Variants in PAM16 observed in about 807,000 individuals in gnomAD.
PAM16 encodes mitochondrial import inner membrane translocase subunit TIM16.
PAM16 carries 11 observed loss-of-function variants against 17.9 expected under a neutral mutation model. The ratio of observed to expected loss-of-function variants is 0.62; its 90% CI spans 0.39 to 1.02. PAM16 has a LOEUF of 1.02. PAM16 is among the 50% of genes least tolerant of loss of function. The pLI is 0.01. For missense variants in PAM16, 199 were observed against 165.4 expected (o/e 1.20, Z -1.11); for synonymous variants, 72 against 67.4 (o/e 1.07, Z -0.34).
intron 3 of PAM16, 105 bp downstream of exon 3, chr16:4,341,263 G>A: frequency 6.8e-7 from 1 of 1,474,734 alleles, no homozygotes; most frequent in Non-Finnish European, 9.1e-7. Context: ...CGAGCTGGGT[G>A]CAGCTGCAGC....
At position 4,350,850 on chromosome 16, in the gene PAM16, G is replaced by A. The variant is rs939964621; in HGVS notation, c.3+382C>T. 4.7e-5 allele frequency: 9 copies of A among 190,238 alleles called. No homozygotes were observed. The East Asian group carries it at 1.0e-3, about 22-fold the overall frequency. 11.8% of individuals were successfully genotyped at this position (190,238 alleles called of 1,614,324 possible). A position where few individuals can be genotyped will look rare whatever the true frequency, so the allele number is the denominator to read the frequency against. On this transcript the variant is annotated intron_variant, in intron 1 of 4. Coordinates refer to ENST00000318059, the MANE Select transcript of PAM16 (RefSeq NM_016069.11). ...CCCAGGTCAGCCACTTCCCTGGAAA[G>A]GCCAGCTTTCCACTGGGGATAACAA...
intron 1 of PAM16, chr16:4,346,615 T>G (rs568129253): frequency 2.0e-5 from 3 of 152,252 alleles, no homozygotes; most frequent in African/African-American, 7.2e-5. Flanking sequence ...GAGAACCACG[T>G]TGACCTGGGA....
At position 4,343,196 on chromosome 16, in the gene PAM16, C is replaced by T. The variant is rs772564282; in HGVS notation, c.88+11G>A. The T allele has an allele frequency of 1.1e-5, 17 of 1,612,232 alleles. No individual in the cohort carries two copies. The highest frequency in any genetic ancestry group is 1.4e-5 in the Non-Finnish European group (17 of 1,179,678). ...ACTCCCAGCCCACAGGGGAGACGGA[C>T]CCATGCTTACCTGCAAACTCCTGCC... On this transcript the variant is annotated intron_variant, in intron 2 of 4. Transcript: ENST00000318059.
chr16:4,345,886 C>G lies in PAM16; in HGVS notation c.4-2595G>C, dbSNP rs936393794. ...AGGACAGAGGTGAAAGTCAGAGGGT[C>G]CCCTCGGCTTGAAACACGGCTCAGG... On this transcript the variant is annotated intron_variant, in intron 1 of 4. Transcript: ENST00000318059. 11 of 985,106 alleles carry G rather than the reference C, an allele frequency of 1.1e-5. No individual in the cohort carries two copies. In the African/African-American group the frequency reaches 1.7e-4, roughly 16 times the overall value. The allele number at this position is 985,106 out of a possible 1,614,324, so 61.0% of individuals were successfully genotyped here. A position where few individuals can be genotyped will look rare whatever the true frequency, so the allele number is the denominator to read the frequency against.
intron 1 of PAM16, among the ~76,000 whole-genome samples, chr16:4,350,605 G>A (rs2141158116): frequency 6.6e-6 from 1 of 152,150 alleles, no homozygotes; most frequent in East Asian, 1.9e-4. Context: ...GTTTCATCAT[G>A]TTGGCCAGGC....
At chr16:4,349,745 C>G (rs1396079143) in intron 1 of PAM16, among the ~76,000 whole-genome samples, 1 of 152,018 alleles carries the variant, frequency 6.6e-6, no homozygotes, top group Non-Finnish European at 1.5e-5. Flanking sequence ...CTAGCCGGGG[C>G]GACAGACAGA....
chr16:4,345,837 G>A, intron 1 of PAM16: 1 of 985,314 alleles, frequency 1.0e-6, no homozygotes, highest in Non-Finnish European at 1.2e-6. Flanking sequence ...GGAGGCTCAG[G>A]GATGGGATGC....
At chr16:4,351,185 G>GCCCGACTCGGCTTCCCCTC in intron 1 of PAM16, 47 bp downstream of exon 1, 1 of 1,228,472 alleles carries the variant, frequency 8.1e-7, no homozygotes, top group East Asian at 3.1e-5. Context: ...CCGGCCCCCG[G>GCCCGACTCGGCTTCCCCTC]CCCGACTCGG....
intron 1 of PAM16, chr16:4,344,061 G>A: frequency 2.5e-6 from 1 of 397,946 alleles, no homozygotes. Context: ...TCACACACCA[G>A]GCTGAACATG....
chr16:4,343,729 T>C, intron 1 of PAM16: 1 of 437,388 alleles, frequency 2.3e-6, no homozygotes. Flanking sequence ...AACCTTTACT[T>C]TACCAACGGG....
intron 1 of PAM16, among the ~76,000 whole-genome samples, chr16:4,348,953 C>CTT (rs1219395068): frequency 4.0e-4 from 46 of 114,238 alleles, no homozygotes; most frequent in Non-Finnish European, 4.7e-4. Context: ...CTAGCACTTT[C>CTT]TTTTTTTTTT....
Position 4,340,328 on chromosome 16 carries a change from G to A in PAM16, c.369C>T (p.Pro123=). The A allele has an allele frequency of 6.2e-7, 1 of 1,612,722 alleles. No homozygotes were observed. The highest frequency in any genetic ancestry group is 1.1e-5 in the South Asian group (1 of 91,090). ...AQEDREKGQM[P]HT ...GGGGGGAGCCGAGCAGTCACGTATGGGGCATCTGCCCTTTTTCTCTGTCCT... is the reference window on the plus strand; with the variant it reads ...GGGGGGAGCCGAGCAGTCACGTATGAGGCATCTGCCCTTTTTCTCTGTCCT... The change falls in exon 5 of 5, where the codon CCC becomes CCT. Residue 123 remains proline (P), a synonymous_variant. Transcript: ENST00000318059.
At chr16:4,348,289 AG>A (rs2053789117) in intron 1 of PAM16, 1 of 152,178 alleles carries the variant, frequency 6.6e-6, no homozygotes, top group African/African-American at 2.4e-5. Flanking sequence ...CCATGTCCCC[AG>A]GCAGGGTTTC....
rs1391827301 is a variant in PAM16, at chr16:4,350,620, C to A, written c.3+612G>T. ...GTTTCATCATGTTGGCCAGGCTGGT[C>A]TCGAACTCCTGACCTCGTGATCCGC... On this transcript the variant is annotated intron_variant, in intron 1 of 4. Transcript: ENST00000318059. 2.6e-5 allele frequency among the ~76,000 whole-genome samples: 4 copies of A among 152,086 alleles called. 1 individual carries two copies. In the South Asian group the frequency reaches 6.2e-4, roughly 24 times the overall value.
intron 1 of PAM16, chr16:4,350,962 C>G (rs2053846307): frequency 3.3e-6 from 1 of 301,516 alleles, no homozygotes; most frequent in Non-Finnish European, 6.1e-6. Flanking sequence ...CACCGCTGCC[C>G]ACGGCTGCTC....
intron 2 of PAM16, among the ~76,000 whole-genome samples, chr16:4,342,116 CAAG>C (rs1347111387): frequency 6.6e-6 from 1 of 152,038 alleles, no homozygotes; most frequent in Non-Finnish European, 1.5e-5. Flanking sequence ...TTTGGGAGGC[CAAG>C]GAGGGCAGAT....
intron 1 of PAM16, chr16:4,344,140 G>A (rs1165307638): frequency 7.6e-6 from 3 of 396,202 alleles, no homozygotes; most frequent in Non-Finnish European, 1.3e-5. Flanking sequence ...GTGAGCGGAA[G>A]CAACAGAGTC....
At position 4,340,960 on chromosome 16, in the gene PAM16, T is replaced by C; in HGVS notation, c.251A>G (p.Asn84Ser). 6.2e-7 allele frequency: 1 copy of C among 1,613,696 alleles called. No homozygotes were observed. Among genetic ancestry groups the C allele is most frequent in the East Asian group, 2.2e-5 (1 of 44,884 alleles). ...QKNYEHLFKVNDKSVGGSFYL... is the reference protein window; with the variant it reads ...QKNYEHLFKVSDKSVGGSFYL... The stretch of plus-strand genomic sequence containing the variant: ...GAAGGAGCCACCCACGGATTTATCA[T>C]TCACCTTAAATAAGTGTTCATAGTT... The change falls in exon 4 of 5, where the codon AAT becomes AGT. Residue 84 changes from asparagine (N) to serine (S), a missense_variant. Transcript: ENST00000318059.
chr16:4,343,870 C>T, intron 1 of PAM16: 1 of 398,658 alleles, frequency 2.5e-6, no homozygotes, highest in Middle Eastern at 6.3e-4. Flanking sequence ...TATTTAAACA[C>T]ACTATGGACC....
Sources: gnomAD v4.1 joint callset for allele counts (sites outside exome capture counted in the v4.1 genomes callset) on GRCh38, gnomAD v4.1.1 for gene constraint, MANE v1.5 for transcripts, NCBI Gene and HGNC (gene_info 2026-07-23, HGNC 2026-07-21) for gene names.